The following DNM3 variants were observed in gnomAD, a reference collection of about 807,000 sequenced individuals.
The protein encoded by DNM3 is dynamin-3.
DNM3 carries 47 observed loss-of-function variants against 101.6 expected under a neutral mutation model. The observed-to-expected ratio is 0.46, with a 90% CI of 0.37 to 0.59. The LOEUF (loss-of-function observed/expected upper bound fraction) is 0.59. Ranked by LOEUF, DNM3 falls within the 20% of genes least tolerant of loss-of-function variation. The pLI, the probability that DNM3 is intolerant of heterozygous loss-of-function variation, is 0.00. For synonymous variants in DNM3, 385 were observed against 387.9 expected, an observed-to-expected ratio of 0.99 and a Z score of 0.09; for missense variants, 849 against 1,085.7, an observed-to-expected ratio of 0.78 and a Z score of 3.06.
chr1:172,252,658 AGG>A (rs1007289342), intron 14 of DNM3, among the ~76,000 whole-genome samples: 5 of 152,102 alleles, frequency 3.3e-5, no homozygotes, highest in Non-Finnish European at 5.9e-5. Flanking sequence ...CCCTGGTAAT[AGG>A]TATTTACTAG....
chr1:172,384,865 A>C (rs956079930), intron 18 of DNM3, among the ~76,000 whole-genome samples: 28 of 152,240 alleles, frequency 1.8e-4, no homozygotes, highest in African/African-American at 6.5e-4. Flanking sequence ...CATGCATCCA[A>C]CTGCATATAC....
intron 17 of DNM3, among the ~76,000 whole-genome samples, chr1:172,333,993 T>G (rs747979124): frequency 6.6e-6 from 1 of 152,204 alleles, no homozygotes; most frequent in Non-Finnish European, 1.5e-5. Flanking sequence ...AGAGAGTTGG[T>G]GACACTTCTA....
chr1:171,896,760 T>C lies in DNM3; in HGVS notation c.162-24988T>C, dbSNP rs539811945. ...CAATTTTTTTCTGATAAAATAGTCA[T>C]GTTAAATGGTTATATTCCTTCATCC... On this transcript the variant is annotated intron_variant, in intron 1 of 20. Coordinates refer to ENST00000627582, the MANE Select transcript of DNM3 (RefSeq NM_015569.5). 2.6e-5 allele frequency among the ~76,000 whole-genome samples: 4 copies of C among 152,304 alleles called. No homozygotes were observed. The East Asian group carries it at 7.7e-4, about 29-fold the overall frequency.
rs115853398 is a variant in DNM3 at position 172,227,922 on chromosome 1, G to C, written c.1660-25651G>C. 8.9e-3 allele frequency among the ~76,000 whole-genome samples: 1,348 copies of C among 151,972 alleles called. 17 individuals are homozygous for C. The highest frequency in any genetic ancestry group is 0.015 in the Non-Finnish European group (1,005 of 67,936). On this transcript the variant is annotated intron_variant, in intron 14 of 20. Transcript: ENST00000627582. ...GTGTAATTTTAATGTGCATTTCTTT[G>C]GTTATTACTGAAGTTTAGTAACATG...
chr1:172,266,689 A>T (rs1406097365), intron 15 of DNM3, among the ~76,000 whole-genome samples: 1 of 152,156 alleles, frequency 6.6e-6, no homozygotes, highest in South Asian at 2.1e-4. Context: ...CAACCCAAGT[A>T]GAGAAATGAA....
At chr1:172,275,690 G>A (rs1201953940) in intron 15 of DNM3, among the ~76,000 whole-genome samples, 1 of 152,062 alleles carries the variant, frequency 6.6e-6, no homozygotes, top group Non-Finnish European at 1.5e-5. Context: ...CAAGCCAGAA[G>A]TTCTGAGAAA....
intron 14 of DNM3, among the ~76,000 whole-genome samples, chr1:172,243,955 G>A (rs887086102): frequency 1.1e-4 from 16 of 151,790 alleles, no homozygotes; most frequent in Non-Finnish European, 1.6e-4. Context: ...ATGCTGGTGC[G>A]CTGCACCCAC....
At chr1:172,260,969 T>A (rs1348899854) in intron 15 of DNM3, among the ~76,000 whole-genome samples, 3 of 152,006 alleles carry the variant, frequency 2.0e-5, no homozygotes, top group Non-Finnish European at 2.9e-5. Context: ...TCCTTCCTTC[T>A]TTTGAGACAG....
intron 11 of DNM3, among the ~76,000 whole-genome samples, chr1:172,071,780 C>G (rs2052216112): frequency 6.7e-6 from 1 of 150,304 alleles, no homozygotes. Flanking sequence ...AGTGGACTTT[C>G]TGGGCAACTA....
intron 14 of DNM3, among the ~76,000 whole-genome samples, chr1:172,244,744 T>G (rs932632883): frequency 6.6e-6 from 1 of 152,006 alleles, no homozygotes; most frequent in Non-Finnish European, 1.5e-5. Context: ...GGAACACTTT[T>G]ACACTGTTGG....
chr1:172,243,401 G>A (rs905780317), intron 14 of DNM3, among the ~76,000 whole-genome samples: 1 of 152,144 alleles, frequency 6.6e-6, no homozygotes, highest in Non-Finnish European at 1.5e-5. Context: ...GAATGGAAAA[G>A]GGAGCCCTCC....
chr1:172,064,715 A>G (rs867364081), intron 10 of DNM3, among the ~76,000 whole-genome samples: 1 of 152,160 alleles, frequency 6.6e-6, no homozygotes, highest in Non-Finnish European at 1.5e-5. Flanking sequence ...AGTTAAAACC[A>G]AGATTTTGAC....
rs996284974 is a variant in DNM3 at position 172,285,464 on chromosome 1, G to A, written c.1770-23264G>A. 7.2e-5 allele frequency among the ~76,000 whole-genome samples: 11 copies of A among 152,158 alleles called. No individual in the cohort carries two copies. In the East Asian group the frequency reaches 1.4e-3, roughly 19 times the overall value. ...GGTGGTGTTGGTGATTTCCCTGGGT[G>A]GGGCCAGGGGACACAGCATCTTGGG... On this transcript the variant is annotated intron_variant, in intron 15 of 20. Transcript: ENST00000627582.
At chr1:172,190,028 T>G (rs1010853195) in intron 14 of DNM3, among the ~76,000 whole-genome samples, 1 of 132,956 alleles carries the variant, frequency 7.5e-6, no homozygotes, top group African/African-American at 3.1e-5. Context: ...TTTTTTTTTT[T>G]CACTTTAAGT....
At chr1:172,282,159 C>T (rs2063514807) in intron 15 of DNM3, among the ~76,000 whole-genome samples, 3 of 152,244 alleles carry the variant, frequency 2.0e-5, no homozygotes, top group Middle Eastern at 3.4e-3. Context: ...TATGGAGGAG[C>T]TGAAGTTTGT....
At chr1:172,232,060 G>T (rs9727736) in intron 14 of DNM3, among the ~76,000 whole-genome samples, 3 of 152,162 alleles carry the variant, frequency 2.0e-5, no homozygotes, top group African/African-American at 7.2e-5. Context: ...AAATGTAAAT[G>T]GGCTAAATGC....
At chr1:171,855,458 CT>C (rs1428635361) in intron 1 of DNM3, among the ~76,000 whole-genome samples, 1 of 152,164 alleles carries the variant, frequency 6.6e-6, no homozygotes, top group African/African-American at 2.4e-5. Context: ...CACCATACTC[CT>C]TTCCGCAATG....
At chr1:172,313,243 T>G (rs1291625578) in intron 16 of DNM3, among the ~76,000 whole-genome samples, 1 of 152,226 alleles carries the variant, frequency 6.6e-6, no homozygotes, top group Non-Finnish European at 1.5e-5. Context: ...CTAATGTAAT[T>G]AATTGTTATT....
At chr1:172,048,774 C>T (rs757877551) in intron 10 of DNM3, 24 bp downstream of exon 10, 5 of 1,607,112 alleles carry the variant, frequency 3.1e-6, no homozygotes, top group Non-Finnish European at 4.2e-6. Context: ...ATTTAACTTT[C>T]CAGTACGTGG....
Sources: gnomAD v4.1 joint callset for allele counts (sites outside exome capture counted in the v4.1 genomes callset) on GRCh38, gnomAD v4.1.1 for gene constraint, MANE v1.5 for transcripts, NCBI Gene and HGNC (gene_info 2026-07-23, HGNC 2026-07-21) for gene names.